Variants in KIAA1671 observed in about 807,000 individuals in gnomAD.
The protein encoded by KIAA1671 is KIAA1671.
Under a neutral mutation model 131.2 loss-of-function variants are expected in KIAA1671, and 52 were observed. That is an observed-to-expected ratio of 0.40 (90% CI 0.32 to 0.50). KIAA1671 has a LOEUF of 0.50. KIAA1671 is among the 20% of genes least tolerant of loss of function. The pLI is 0.73. For synonymous variants in KIAA1671, 1,003 were observed against 961.6 expected, an observed-to-expected ratio of 1.04 and a Z score of -0.80; for missense variants, 2,360 against 2,364.2, an observed-to-expected ratio of 1.00 and a Z score of 0.04.
chr22:25,078,252 C>T (rs931140999), intron 6 of KIAA1671, among the ~76,000 whole-genome samples: 1 of 152,184 alleles, frequency 6.6e-6, no homozygotes, highest in Non-Finnish European at 1.5e-5. Context: ...TGGCCAGGTG[C>T]AGTGGTTCAC....
At chr22:24,954,489 A>G (rs939950236) in intron 1 of KIAA1671, among the ~76,000 whole-genome samples, 3 of 152,196 alleles carry the variant, frequency 2.0e-5, no homozygotes. Flanking sequence ...GTTTCAATGC[A>G]GTGTCTGGAC....
intron 6 of KIAA1671, among the ~76,000 whole-genome samples, chr22:25,142,366 G>A (rs1168590339): frequency 6.6e-6 from 1 of 152,186 alleles, no homozygotes; most frequent in Admixed American, 6.5e-5. Flanking sequence ...CCTTCTCAGA[G>A]TCCTCTCAGC....
At chr22:24,956,726 G>C (rs1281789320) in intron 1 of KIAA1671, among the ~76,000 whole-genome samples, 3 of 152,148 alleles carry the variant, frequency 2.0e-5, no homozygotes, top group Non-Finnish European at 4.4e-5. Context: ...CAAAAAATTA[G>C]CCGGGCGTGG....
chr22:25,118,822 C>T (rs1191735119), intron 6 of KIAA1671, among the ~76,000 whole-genome samples: 2 of 152,130 alleles, frequency 1.3e-5, no homozygotes, highest in African/African-American at 2.4e-5. Context: ...CCCCTCTGAC[C>T]TCCTGCTCTT....
intron 6 of KIAA1671, among the ~76,000 whole-genome samples, chr22:25,138,475 A>T (rs1932756592): frequency 6.6e-6 from 1 of 152,168 alleles, no homozygotes. Context: ...CATGATCTTT[A>T]TCAATTCATT....
At chr22:25,037,398 A>ATG (rs1358834515) in intron 4 of KIAA1671, among the ~76,000 whole-genome samples, 2 of 144,992 alleles carry the variant, frequency 1.4e-5, no homozygotes, top group African/African-American at 5.7e-5. Flanking sequence ...ATATGTATAT[A>ATG]TGTATATATG....
intron 6 of KIAA1671, among the ~76,000 whole-genome samples, chr22:25,075,710 G>T (rs951574184): frequency 1.3e-5 from 2 of 149,812 alleles, no homozygotes; most frequent in Non-Finnish European, 3.0e-5. Flanking sequence ...TGTTAGCCAG[G>T]ATGGTCTCTA....
chr22:24,984,981 C>T (rs1602044691), intron 1 of KIAA1671, among the ~76,000 whole-genome samples: 1 of 149,148 alleles, frequency 6.7e-6, no homozygotes, highest in East Asian at 2.0e-4. Context: ...CACCAAGGAG[C>T]ATGTTGGAGG....
At position 25,041,145 on chromosome 22, in the gene KIAA1671, G is replaced by A; in HGVS notation, c.4015G>A (p.Ala1339Thr). 1 of 1,551,234 alleles carries A rather than the reference G, an allele frequency of 6.4e-7. No individual in the cohort carries two copies. Among genetic ancestry groups the A allele is most frequent in the Non-Finnish European group, 8.7e-7 (1 of 1,146,706 alleles). ...RKAFASKHHV[A>T]KCQNYLAESK... is the part of the protein sequence containing the mutation. ...GGCCTTTGCCAGTAAACATCATGTT[G>A]CAAAGTGTCAGAATTACCTGGCTGA... The change falls in exon 5 of 13, where the codon GCA becomes ACA. Residue 1339 changes from alanine (A) to threonine (T), a missense_variant. Physicochemically the swap from Ala to Thr is moderately conservative, Grantham distance 58. Around this residue, in one of 3 missense-constraint regions of KIAA1671, gnomAD observed 1,161 missense variants for 1,204.7 expected, o/e 0.96. Coordinates refer to ENST00000358431, the MANE Select transcript of KIAA1671 (RefSeq NM_001145206.2).
intron 6 of KIAA1671, among the ~76,000 whole-genome samples, chr22:25,069,783 C>T (rs1928707930): frequency 6.6e-6 from 1 of 152,188 alleles, no homozygotes; most frequent in Non-Finnish European, 1.5e-5. Context: ...TAACGAGTGG[C>T]AGGGCCTCCT....
chr22:25,134,112 T>C (rs931315289), intron 6 of KIAA1671, among the ~76,000 whole-genome samples: 1 of 152,242 alleles, frequency 6.6e-6, no homozygotes, highest in Admixed American at 6.5e-5. Context: ...AGAGTTGGGT[T>C]TCCTTTTGCT....
At chr22:25,008,985 G>T (rs952461136) in intron 1 of KIAA1671, among the ~76,000 whole-genome samples, 1 of 152,230 alleles carries the variant, frequency 6.6e-6, no homozygotes, top group Non-Finnish European at 1.5e-5. Context: ...TGCCTGAAGG[G>T]CATGGGAGGC....
chr22:24,954,043 T>C (rs1921561736), intron 1 of KIAA1671, among the ~76,000 whole-genome samples: 3 of 152,102 alleles, frequency 2.0e-5, no homozygotes, highest in Admixed American at 2.0e-4. Context: ...TCCCTCAGTC[T>C]ATGGCCTCTC....
intron 1 of KIAA1671, among the ~76,000 whole-genome samples, chr22:24,975,134 T>C (rs570536710): frequency 1.3e-4 from 20 of 152,338 alleles, no homozygotes; most frequent in African/African-American, 4.3e-4. Flanking sequence ...GTGGTGCCCC[T>C]TCACCAGTTT....
At chr22:25,052,757 C>T (rs934491479) in intron 6 of KIAA1671, 1 of 152,108 alleles carries the variant, frequency 6.6e-6, no homozygotes, top group Non-Finnish European at 1.5e-5. Context: ...CACTCTGCCG[C>T]CCAGGCTGGA....
At chr22:25,042,251 A>G (rs1482994600) in intron 5 of KIAA1671, among the ~76,000 whole-genome samples, 4 of 152,204 alleles carry the variant, frequency 2.6e-5, no homozygotes, top group African/African-American at 9.7e-5. Flanking sequence ...CTGTCCTACA[A>G]TGACGATAAT....
At chr22:24,969,343 G>A (rs1162697306) in intron 1 of KIAA1671, among the ~76,000 whole-genome samples, 2 of 152,038 alleles carry the variant, frequency 1.3e-5, no homozygotes, top group African/African-American at 2.4e-5. Flanking sequence ...TATAACCTAC[G>A]CATATCTTCT....
intron 6 of KIAA1671, among the ~76,000 whole-genome samples, chr22:25,095,257 T>G (rs76248603): frequency 1.3e-5 from 2 of 152,182 alleles, no homozygotes. Context: ...GTGGTTCTTA[T>G]GAAAGGCAGG....
Position 25,040,938 on chromosome 22 carries a change from C to T in KIAA1671, c.3808C>T (p.His1270Tyr), listed in dbSNP as rs376197432. The T allele has an allele frequency of 3.3e-5, 49 of 1,481,860 alleles. 1 individual carries two copies. Among genetic ancestry groups the T allele is most frequent in the Admixed American group, 1.5e-4 (6 of 39,554 alleles). 91.8% of individuals were successfully genotyped at this position (1,481,860 alleles called of 1,614,324 possible). Residue 1270 changes from histidine (H) to tyrosine (Y), a missense_variant, in exon 5 of 13, where the codon CAC (histidine) becomes TAC (tyrosine). His to Tyr is a moderately conservative substitution (Grantham distance 83). Coordinates refer to ENST00000358431, the MANE Select transcript of KIAA1671 (RefSeq NM_001145206.2). ...ACCGGCCAGTTCTGCCGAAATAAATCACAGTTTCACTCCTGGCTTAGGCAA... is the reference window on the plus strand; with the variant it reads ...ACCGGCCAGTTCTGCCGAAATAAATTACAGTTTCACTCCTGGCTTAGGCAA... ...WKPASSAEIN[H>Y]SFTPGLGKQL... is the part of the protein sequence containing the mutation.
Sources: allele counts gnomAD v4.1 joint callset (sites outside exome capture counted in the v4.1 genomes callset), GRCh38; gene constraint gnomAD v4.1.1; regional missense constraint gnomAD v4.1.1; transcripts MANE v1.5; gene names NCBI Gene and HGNC (gene_info 2026-07-23, HGNC 2026-07-21).